Variants in TNIP1 observed in about 807,000 individuals in gnomAD.
TNIP1 encodes the protein TNFAIP3-interacting protein 1.
A neutral mutation model predicts 86.6 loss-of-function variants in TNIP1; 22 were observed. The ratio of observed to expected loss-of-function variants is 0.25; its 90% CI spans 0.18 to 0.36. TNIP1 has a LOEUF of 0.36. Ranked by LOEUF, TNIP1 falls within the 10% of genes least tolerant of loss-of-function variation. The pLI is 1.00. For missense variants in TNIP1, 709 were observed against 820.6 expected (o/e 0.86, Z 1.66); for synonymous variants, 294 against 313.0 (o/e 0.94, Z 0.64).
chr5:151,066,891 G>A (rs920006447), intron 1 of TNIP1, among the ~76,000 whole-genome samples: 17 of 152,192 alleles, frequency 1.1e-4, no homozygotes, highest in African/African-American at 4.1e-4. Context: ...GCAGCACCAT[G>A]CTATCAGGTC....
intron 6 of TNIP1, among the ~76,000 whole-genome samples, chr5:151,052,904 G>A (rs1476915969): frequency 6.6e-6 from 1 of 152,080 alleles, no homozygotes. Flanking sequence ...AGCCAAATGA[G>A]CAAATGGACA....
chr5:151,053,078 A>G (rs1178946579), intron 6 of TNIP1, among the ~76,000 whole-genome samples: 1 of 148,706 alleles, frequency 6.7e-6, no homozygotes, highest in African/African-American at 2.5e-5. Flanking sequence ...TTCCTCCTCT[A>G]CAAAAGAAAG....
chr5:151,035,845 A>G (rs551750833), intron 13 of TNIP1, 138 bp from the exon 14 acceptor site: 455 of 1,030,114 alleles, frequency 4.4e-4, no homozygotes, highest in Admixed American at 1.5e-3. Flanking sequence ...GGACAGCTAC[A>G]CCTCCAGCCT....
At chr5:151,084,415 A>G (rs1004339205), upstream of TNIP1, among the ~76,000 whole-genome samples, 8 of 150,748 alleles carry the variant, frequency 5.3e-5, no homozygotes, top group Non-Finnish European at 1.0e-4. Flanking sequence ...ATTGCACTCC[A>G]GCCTGGGGAC....
intron 13 of TNIP1, 143 bp downstream of exon 13, chr5:151,036,647 A>G: frequency 8.0e-7 from 1 of 1,242,276 alleles, no homozygotes; most frequent in Non-Finnish European, 1.1e-6. Flanking sequence ...GGATAAACCT[A>G]GAGCCAGTGG....
Position 151,045,018 on chromosome 5 carries a change from T to C in TNIP1, c.936+843A>G, listed in dbSNP as rs1017213164. 2.0e-4 allele frequency among the ~76,000 whole-genome samples: 31 copies of C among 152,258 alleles called. 1 individual carries two copies. The highest frequency in any genetic ancestry group is 2.9e-5 in the Non-Finnish European group (2 of 68,046). Reference sequence around the variant, plus strand: ...GGCTTCGGCTGCTGGCTGGTCCTTTTCATTCTTGCCTAAGAAAATTCTTGA... The same window carrying C: ...GGCTTCGGCTGCTGGCTGGTCCTTTCCATTCTTGCCTAAGAAAATTCTTGA... On this transcript the variant is annotated intron_variant, in intron 9 of 17. Transcript: ENST00000521591.
rs1761640600 is a variant in TNIP1, at chr5:151,062,075, G to A, written c.357+52C>T. The A allele has an allele frequency of 3.3e-6, 5 of 1,501,082 alleles. No individual in the cohort carries two copies. The South Asian group carries it at 3.4e-5, about 10-fold the overall frequency. 93.0% of individuals were successfully genotyped at this position (1,501,082 alleles called of 1,614,324 possible). On this transcript the variant is annotated intron_variant, in intron 4 of 17. Transcript: ENST00000521591. ...TTCATGTTCTTGTATCTGTCAGTAG[G>A]ACTTGAGGTCCATCCAGGCAACCTC... is the stretch of plus-strand genomic sequence containing the variant.
upstream of TNIP1, among the ~76,000 whole-genome samples, chr5:151,082,743 G>A (rs1040887509): frequency 2.6e-5 from 4 of 152,126 alleles, no homozygotes; most frequent in African/African-American, 9.7e-5. Flanking sequence ...TAAAAAAATG[G>A]CACTCAGTCA....
At chr5:151,031,431 T>G (rs1756872631) in intron 17 of TNIP1, among the ~76,000 whole-genome samples, 1 of 152,224 alleles carries the variant, frequency 6.6e-6, no homozygotes, top group African/African-American at 2.4e-5. Context: ...TTGTGCCCCA[T>G]GAGAGCTCTA....
intron 6 of TNIP1, 51 bp downstream of exon 6, chr5:151,056,715 C>A: frequency 7.0e-7 from 1 of 1,427,904 alleles, no homozygotes; most frequent in South Asian, 1.5e-5. Context: ...GGGAAGAGCT[C>A]GGGGGGAAGC....
chr5:151,072,129 A>G (rs1297805156), intron 1 of TNIP1, among the ~76,000 whole-genome samples: 1 of 152,216 alleles, frequency 6.6e-6, no homozygotes, highest in African/African-American at 2.4e-5. Flanking sequence ...TTAGTGGTAG[A>G]ACAAATAATG....
chr5:151,084,624 C>A (rs1764210974), upstream of TNIP1, among the ~76,000 whole-genome samples: 1 of 152,054 alleles, frequency 6.6e-6, no homozygotes, highest in Admixed American at 6.6e-5. Context: ...TTCCACATAC[C>A]CCACTGATAG....
chr5:151,033,789 T>G lies in TNIP1; in HGVS notation c.1598A>C (p.Glu533Ala), dbSNP rs1757258431. 1 of 1,366,336 alleles carries G rather than the reference T, an allele frequency of 7.3e-7. No individual in the cohort carries two copies. Among genetic ancestry groups the G allele is most frequent in the Admixed American group, 2.9e-5 (1 of 34,074 alleles). The allele number at this position is 1,366,336 out of a possible 1,614,324, so 84.6% of individuals were successfully genotyped here. A position where few individuals can be genotyped will look rare whatever the true frequency, so the allele number is the denominator to read the frequency against. The change falls in exon 16 of 18, where the codon GAG becomes GCG. Residue 533 changes from glutamate to alanine, a missense_variant. By Grantham distance (107) the Glu-to-Ala change is moderately radical. Coordinates refer to ENST00000521591, the MANE Select transcript of TNIP1 (RefSeq NM_006058.5). ...QQKRKAKASG[E>A]RYHVEPHPEH... ...TGGGTGGGGCTCCACATGGTAACGCTCTCCTGAGGCCTGCAAGAAAGGCTG... is the reference window on the plus strand; with the variant it reads ...TGGGTGGGGCTCCACATGGTAACGCGCTCCTGAGGCCTGCAAGAAAGGCTG...
Position 151,034,610 on chromosome 5 carries a change from C to T in TNIP1, c.1587+392G>A, listed in dbSNP as rs529054696. On this transcript the variant is annotated intron_variant, in intron 15 of 17. Transcript: ENST00000521591. ...GGCATGGAAGGCTGGTACATGGACA[C>T]GGAAGGCTGGTACATGGGCATGGAA... 32 of 302,122 alleles carry T rather than the reference C, an allele frequency of 1.1e-4. No homozygotes were observed. The Admixed American group carries it at 1.2e-3, about 11-fold the overall frequency. The allele number at this position is 302,122 out of a possible 1,614,324, so 18.7% of individuals were successfully genotyped here.
chr5:151,059,866 TGCGC>T (rs72220408), intron 5 of TNIP1, among the ~76,000 whole-genome samples: 4,228 of 81,902 alleles, frequency 0.052, 153 homozygotes, highest in African/African-American at 0.094. Flanking sequence ...TGTGTGTGTG[TGCGC>T]GCGCGCGCGC....
upstream of TNIP1, among the ~76,000 whole-genome samples, chr5:151,083,928 A>G (rs1036440839): frequency 6.6e-6 from 1 of 152,222 alleles, no homozygotes; most frequent in Non-Finnish European, 1.5e-5. Flanking sequence ...TTGCCTCCCA[A>G]CCAGCTTATG....
Position 151,067,864 on chromosome 5 carries a change from AC to A in TNIP1, c.-36-2734del, listed in dbSNP as rs201573598. Among the ~76,000 whole-genome samples, 13 of 152,290 alleles carry A rather than the reference AC, an allele frequency of 8.5e-5. No homozygotes were observed. In the East Asian group the frequency reaches 2.3e-3, roughly 27 times the overall value. On this transcript the variant is annotated intron_variant, in intron 1 of 17. Coordinates refer to ENST00000521591, the MANE Select transcript of TNIP1 (RefSeq NM_006058.5). ...ACCAGACGCACTTGGACGCCCAGACACTTCTAGAATCCAGGCTGGGCCAGCC... is the reference window on the plus strand; with the variant it reads ...ACCAGACGCACTTGGACGCCCAGACATTCTAGAATCCAGGCTGGGCCAGCC...
At chr5:151,052,377 T>C (rs767037790) in intron 6 of TNIP1, 118 bp from the exon 7 acceptor site, 7 of 796,640 alleles carry the variant, frequency 8.8e-6, no homozygotes, top group Non-Finnish European at 1.4e-5. Flanking sequence ...CTTATCCCCT[T>C]TGCCTGGCCT....
At position 151,030,534 on chromosome 5, in the gene TNIP1, G is replaced by T; in HGVS notation, c.*179C>A. 1 of 933,364 alleles carries T rather than the reference G, an allele frequency of 1.1e-6. No individual in the cohort carries two copies. The highest frequency in any genetic ancestry group is 1.6e-6 in the Non-Finnish European group (1 of 622,642). 57.8% of individuals were successfully genotyped at this position (933,364 alleles called of 1,614,324 possible). On this transcript the variant is annotated 3_prime_UTR_variant, in exon 18 of 18. Coordinates refer to ENST00000521591, the MANE Select transcript of TNIP1 (RefSeq NM_006058.5). ...TACAAATGAAAGCCTTCTGGGTGGA[G>T]CCTCCCCAGTCCTGTAAACAGCTCA... is the stretch of plus-strand genomic sequence containing the variant.
Sources: gnomAD v4.1 joint callset for allele counts (sites outside exome capture counted in the v4.1 genomes callset) on GRCh38, gnomAD v4.1.1 for gene constraint, MANE v1.5 for transcripts, NCBI Gene and HGNC (gene_info 2026-07-23, HGNC 2026-07-21) for gene names.